Variants in TRIM66 observed in about 807,000 individuals in gnomAD.
TRIM66 encodes tripartite motif containing 66, also known as tripartite motif-containing protein 66.
TRIM66 carries 99 observed loss-of-function variants against 148.2 expected under a neutral mutation model. The observed-to-expected ratio is 0.67, with a 90% CI of 0.57 to 0.79. TRIM66 has a LOEUF of 0.79. Ranked by LOEUF, TRIM66 falls within the 30% of genes least tolerant of loss-of-function variation. The pLI is 0.00. For missense variants in TRIM66, 1,666 were observed against 1,697.9 expected (o/e 0.98, Z 0.33); for synonymous variants, 616 against 635.9 (o/e 0.97, Z 0.47).
In TRIM66 at chr11:8,618,801, C is replaced by A. The variant is rs1042616558; in HGVS notation, c.4068G>T (p.Trp1356Cys). ...SGCSTPQGFP[W>C]PPYMQEGIQP... ...GGATGCCCTCCTGCATGTAGGGAGG[C>A]CACGGGAAGCCCTGGGGAGTGGAAC... is the stretch of plus-strand genomic sequence containing the variant. Residue 1356 changes from tryptophan (W) to cysteine (C), a missense_variant, in exon 24 of 25, where the codon TGG becomes TGT. Transcript: ENST00000646038. 1.3e-6 allele frequency: 2 copies of A among 1,551,202 alleles called. No individual in the cohort carries two copies. The highest frequency in any genetic ancestry group is 2.7e-5 in the African/African-American group (2 of 72,990).
chr11:8,653,753 T>A (rs1299477223), intron 6 of TRIM66, among the ~76,000 whole-genome samples: 2 of 147,664 alleles, frequency 1.4e-5, no homozygotes, highest in African/African-American at 2.5e-5. Flanking sequence ...CACAAAATCA[T>A]GAAAAATAAT....
At chr11:8,649,931 G>T (rs1447355263) in intron 7 of TRIM66, 44 bp from the exon 8 acceptor site, 5 of 1,533,420 alleles carry the variant, frequency 3.3e-6, no homozygotes, top group Non-Finnish European at 4.4e-6. Flanking sequence ...ATCCTCATTT[G>T]TGTCTGCCTC....
intron 10 of TRIM66, 126 bp downstream of exon 10, chr11:8,647,844 A>G: frequency 2.7e-6 from 2 of 749,112 alleles, no homozygotes; most frequent in East Asian, 5.4e-5. Flanking sequence ...CTTCTAGGAC[A>G]TATGCCCACA....
intron 15 of TRIM66, among the ~76,000 whole-genome samples, chr11:8,628,629 A>AG (rs1219442686): frequency 1.9e-4 from 20 of 107,660 alleles, no homozygotes; most frequent in East Asian, 1.3e-3. Context: ...AAAAAAAAAA[A>AG]AAAAAAAAGA....
At position 8,648,545 on chromosome 11, in the gene TRIM66, A is replaced by T; in HGVS notation, c.596T>A (p.Val199Glu). 6.4e-7 allele frequency: 1 copy of T among 1,551,460 alleles called. No homozygotes were observed. The highest frequency in any genetic ancestry group is 8.7e-7 in the Non-Finnish European group (1 of 1,146,934). Residue 199 changes from valine to glutamate, a missense_variant, in exon 9 of 25, where the codon GTG becomes GAG. Physicochemically the swap from Val to Glu is moderately radical, Grantham distance 121. Around this residue, in one of 3 missense-constraint regions of TRIM66, gnomAD observed 1,431 missense variants for 1,412.4 expected, o/e 1.01. Transcript: ENST00000646038. Reference protein sequence around the residue: ...FPRAQKGSPGVNGGPGDFTLY... With the variant: ...FPRAQKGSPGENGGPGDFTLY... Reference sequence around the variant, plus strand: ...GGTGAAGTCTCCGGGACCACCATTCACTCCTGCCAGAGAAGACAGAGAAAG... The same window carrying T: ...GGTGAAGTCTCCGGGACCACCATTCTCTCCTGCCAGAGAAGACAGAGAAAG...
intron 23 of TRIM66, 65 bp downstream of exon 23, chr11:8,619,318 T>C (rs2033973793): frequency 4.1e-5 from 27 of 652,072 alleles, no homozygotes; most frequent in East Asian, 9.4e-5. Context: ...CTCCCAACCC[T>C]ACCCACCCAT....
intron 6 of TRIM66, among the ~76,000 whole-genome samples, chr11:8,656,411 A>C (rs2037834793): frequency 6.6e-6 from 1 of 152,220 alleles, no homozygotes; most frequent in African/African-American, 2.4e-5. Flanking sequence ...ACTGATTCTG[A>C]GAAATATAGA....
chr11:8,678,755 A>G (rs920500011), intron 3 of TRIM66, among the ~76,000 whole-genome samples: 1 of 152,204 alleles, frequency 6.6e-6, no homozygotes, highest in Non-Finnish European at 1.5e-5. Flanking sequence ...AAGAAAACAG[A>G]GCTGGATTCA....
chr11:8,638,244 C>G (rs2133042576), intron 15 of TRIM66, among the ~76,000 whole-genome samples: 1 of 152,316 alleles, frequency 6.6e-6, no homozygotes, highest in Non-Finnish European at 1.5e-5. Context: ...AACCTCAGCT[C>G]TCTCGTCTAC....
Position 8,648,529 on chromosome 11 carries a change from T to C in TRIM66, c.612A>G (p.Gly204=). The part of the protein sequence containing the change: ...KGSPGVNGGP[G]DFTLYCPLHT... ...GTAGAGGACAATACAAGGTGAAGTC[T>C]CCGGGACCACCATTCACTCCTGCCA... Residue 204 remains glycine (G), a synonymous_variant, in exon 9 of 25, where the codon GGA becomes GGG. Coordinates refer to ENST00000646038, the MANE Select transcript of TRIM66 (RefSeq NM_001388022.1). The C allele has an allele frequency of 6.4e-7, 1 of 1,551,698 alleles. No homozygotes were observed.
intron 15 of TRIM66, among the ~76,000 whole-genome samples, chr11:8,628,071 A>G (rs1328765782): frequency 1.3e-5 from 2 of 152,162 alleles, no homozygotes; most frequent in African/African-American, 2.4e-5. Flanking sequence ...GGCTCAAGCC[A>G]TCTTTCCACC....
chr11:8,663,280 G>C (rs755266994), intron 6 of TRIM66: 14 of 152,154 alleles, frequency 9.2e-5, no homozygotes, highest in Non-Finnish European at 2.1e-4. Flanking sequence ...ACTTGATCCA[G>C]CAATTCAAAT....
chr11:8,658,776 T>TC (rs2038047836), intron 6 of TRIM66: 1 of 985,086 alleles, frequency 1.0e-6, no homozygotes, highest in African/African-American at 1.8e-5. Flanking sequence ...AAGATATCCC[T>TC]CCATGCCCCC....
At position 8,648,061 on chromosome 11, in the gene TRIM66, G is replaced by T; in HGVS notation, c.751C>A (p.Gln251Lys). Residue 251 changes from glutamine to lysine, a missense_variant, in exon 10 of 25, where the codon CAA becomes AAA. By Grantham distance (53) the Gln-to-Lys change is moderately conservative. Around this residue, in one of 3 missense-constraint regions of TRIM66, gnomAD observed 1,431 missense variants for 1,412.4 expected, o/e 1.01. Transcript: ENST00000646038. ...CCTTCCAGAAGCATCCTCTGGTTTT[G>T]CAAAACTTCTTCAACATGTCTGCAC... ...HRCRHVEEVL[Q>K]NQRMLLEGVT... 3 of 1,551,664 alleles carry T rather than the reference G, an allele frequency of 1.9e-6. No homozygotes were observed. Among genetic ancestry groups the T allele is most frequent in the Non-Finnish European group, 1.7e-6 (2 of 1,146,986 alleles).
chr11:8,668,741 A>T (rs1223631500), intron 6 of TRIM66, among the ~76,000 whole-genome samples: 2 of 152,014 alleles, frequency 1.3e-5, no homozygotes, highest in Non-Finnish European at 2.9e-5. Context: ...GCACGCTGCC[A>T]CGCCCAGCCA....
rs188468183 is a variant in TRIM66, at chr11:8,613,023, G to A, written c.*4921C>T. Reference sequence around the variant, plus strand: ...TGTTGTCTGGGAGAGACAGAGGGAAGGACTCACAGATGCTGTCCTCCCAGC... The same window carrying A: ...TGTTGTCTGGGAGAGACAGAGGGAAAGACTCACAGATGCTGTCCTCCCAGC... On this transcript the variant is annotated 3_prime_UTR_variant, in exon 25 of 25. Coordinates refer to ENST00000646038, the MANE Select transcript of TRIM66 (RefSeq NM_001388022.1). 2.6e-4 allele frequency: 40 copies of A among 152,362 alleles called. 1 individual carries two copies. The highest frequency in any genetic ancestry group is 9.1e-4 in the African/African-American group (38 of 41,568). The allele number at this position is 152,362 out of a possible 1,614,324, so 9.4% of individuals were successfully genotyped here.
Position 8,671,888 on chromosome 11 carries a change from A to G in TRIM66, c.238T>C (p.Ser80Pro), listed in dbSNP as rs565471192. The G allele has an allele frequency of 1.2e-5, 18 of 1,536,140 alleles. No individual in the cohort carries two copies. The African/African-American group carries it at 2.2e-4, about 19-fold the overall frequency. ...AAATGCTGGCAGGATAGGAGATGAG[A>G]GCCCATACCTGGCAGGTCCTGATGG... is the stretch of plus-strand genomic sequence containing the variant. ...LCHQDLPGMG[S>P]HLLSCQHLLR... Residue 80 changes from serine (S) to proline (P), a missense_variant, in exon 6 of 25, where the codon TCT becomes CCT. Around this residue, in one of 3 missense-constraint regions of TRIM66, gnomAD observed 1,431 missense variants for 1,412.4 expected, o/e 1.01. Coordinates refer to ENST00000646038, the MANE Select transcript of TRIM66 (RefSeq NM_001388022.1).
intron 15 of TRIM66, among the ~76,000 whole-genome samples, chr11:8,633,263 G>A (rs142235824): frequency 4.4e-4 from 67 of 152,190 alleles, no homozygotes; most frequent in South Asian, 2.9e-3. Context: ...CAGAGGTTGC[G>A]GTGAGCCGAG....
intron 5 of TRIM66, 22 bp downstream of exon 5, chr11:8,672,226 T>C (rs778314447): frequency 4.2e-5 from 65 of 1,536,048 alleles, no homozygotes; most frequent in African/African-American, 6.8e-5. Context: ...TGGAGGCTCA[T>C]GCCTCAGCCT....
Sources: allele counts gnomAD v4.1 joint callset (sites outside exome capture counted in the v4.1 genomes callset), GRCh38; gene constraint gnomAD v4.1.1; regional missense constraint gnomAD v4.1.1; transcripts MANE v1.5; gene names NCBI Gene and HGNC (gene_info 2026-07-23, HGNC 2026-07-21).